Variants in NIBAN2 observed in about 807,000 individuals in gnomAD.
NIBAN2 encodes the protein niban apoptosis regulator 2.
A neutral mutation model predicts 81.8 loss-of-function variants in NIBAN2; 36 were observed. The observed-to-expected ratio is 0.44, with a 90% confidence interval of 0.34 to 0.58. The LOEUF is 0.58. Among genes scored for constraint, NIBAN2 ranks in the 20% least tolerant of loss-of-function variants. The pLI, the probability that NIBAN2 is intolerant of heterozygous loss-of-function variation, is 0.02. For synonymous variants in NIBAN2, 445 were observed against 441.6 expected (o/e 1.01, Z -0.10); for missense variants, 897 against 1,014.1 (o/e 0.88, Z 1.57).
rs768771956 is a variant in NIBAN2 at position 127,507,148 on chromosome 9, G to A, written c.1938C>T (p.Ser646=). Reference sequence around the variant, plus strand: ...CTCGGATCTCAGTGACACCGTCCGGGGACGCAGGTGGTGGTGACTCAGGGC... The same window carrying A: ...CTCGGATCTCAGTGACACCGTCCGGAGACGCAGGTGGTGGTGACTCAGGGC... The part of the protein sequence containing the change: ...EASPESPPPA[S]PDGVTEIRGL... The change falls in exon 14 of 14, where the codon TCC becomes TCT. Residue 646 remains serine, a synonymous_variant. Coordinates refer to ENST00000373312, the MANE Select transcript of NIBAN2 (RefSeq NM_022833.4). This position sits in a 1 kb window ranked among gnomAD's most constrained non-coding sequence, Gnocchi z 6.8. The A allele has an allele frequency of 1.2e-6, 2 of 1,607,158 alleles. No homozygotes were observed. The highest frequency in any genetic ancestry group is 1.7e-6 in the Non-Finnish European group (2 of 1,177,396).
chr9:127,526,375 G>A (rs1432348034), intron 3 of NIBAN2, among the ~76,000 whole-genome samples: 1 of 148,010 alleles, frequency 6.8e-6, no homozygotes, highest in Non-Finnish European at 1.5e-5. Context: ...ACTCCAGCCT[G>A]GCGACAGAGC....
intron 1 of NIBAN2, among the ~76,000 whole-genome samples, chr9:127,538,958 A>G (rs1391990753): frequency 4.7e-5 from 7 of 150,312 alleles, no homozygotes; most frequent in South Asian, 4.2e-4. Context: ...AAAAAAAAAA[A>G]AAAGAAAGAA....
At chr9:127,571,712 A>C (rs530116314), upstream of NIBAN2, among the ~76,000 whole-genome samples, 2 of 150,552 alleles carry the variant, frequency 1.3e-5, no homozygotes, top group Non-Finnish European at 1.5e-5. Flanking sequence ...ACAAAACCAA[A>C]GAAAAAAACA....
chr9:127,572,755 G>A (rs1837962857), upstream of NIBAN2, among the ~76,000 whole-genome samples: 4 of 151,870 alleles, frequency 2.6e-5, no homozygotes, highest in South Asian at 8.3e-4. Flanking sequence ...TTTTTTTAAT[G>A]ATATTCAGGC....
In NIBAN2 at chr9:127,515,540, C is replaced by A. The variant is rs1390398317; in HGVS notation, c.973+1317G>T. ...CGTCTCAAAAAAAAAAAAAAAAAAACAAACAAAAAAAACAGGCCAGGCACA... is the reference window on the plus strand; with the variant it reads ...CGTCTCAAAAAAAAAAAAAAAAAAAAAAACAAAAAAAACAGGCCAGGCACA... On this transcript the variant is annotated intron_variant, in intron 8 of 13. Transcript: ENST00000373312. Among the ~76,000 whole-genome samples, 231 of 42,736 alleles carry A rather than the reference C, an allele frequency of 5.4e-3. 8 individuals are homozygous for A. The highest frequency in any genetic ancestry group is 0.034 in the Middle Eastern group (2 of 58). The allele number at this position is 42,736 out of a possible 152,430, so 28.0% of individuals were successfully genotyped here. A position where few individuals can be genotyped will look rare whatever the true frequency, so the allele number is the denominator to read the frequency against.
chr9:127,558,467 G>A (rs1837714904), intron 1 of NIBAN2, among the ~76,000 whole-genome samples: 1 of 152,146 alleles, frequency 6.6e-6, no homozygotes, highest in Non-Finnish European at 1.5e-5. Context: ...GTTTACTGGG[G>A]CATGAGAAAA....
At chr9:127,564,102 G>T (rs540248295) in intron 1 of NIBAN2, among the ~76,000 whole-genome samples, 4 of 152,164 alleles carry the variant, frequency 2.6e-5, no homozygotes, top group African/African-American at 9.6e-5. Context: ...AGACCAACTT[G>T]ACCAATATGG....
chr9:127,542,786 G>A (rs544339628), intron 1 of NIBAN2, among the ~76,000 whole-genome samples: 153 of 152,330 alleles, frequency 1.0e-3, no homozygotes, highest in Middle Eastern at 3.4e-3. Flanking sequence ...GCAGTGGCAC[G>A]ATCTTGGCTC....
chr9:127,513,372 G>C (rs1285317528), intron 8 of NIBAN2, among the ~76,000 whole-genome samples: 1 of 152,170 alleles, frequency 6.6e-6, no homozygotes, highest in East Asian at 1.9e-4. Context: ...ATTTGAATCA[G>C]AGCAACTGTA....
rs1247841873 is a variant in NIBAN2 at position 127,507,792 on chromosome 9, C to T, written c.1654+75G>A. 7.3e-7 allele frequency: 1 copy of T among 1,367,642 alleles called. No individual in the cohort carries two copies. The highest frequency in any genetic ancestry group is 1.4e-5 in the African/African-American group (1 of 70,274). 84.7% of individuals were successfully genotyped at this position (1,367,642 alleles called of 1,614,324 possible). On this transcript the variant is annotated intron_variant, in intron 13 of 13. Coordinates refer to ENST00000373312, the MANE Select transcript of NIBAN2 (RefSeq NM_022833.4). This position sits in a 1 kb window ranked among gnomAD's most constrained non-coding sequence, Gnocchi z 6.8. Reference sequence around the variant, plus strand: ...TTTTCTTTGAGCCTTAGCTGACCCCCTCAGCTGCCACCACTTCTCAGCTGC... The same window carrying T: ...TTTTCTTTGAGCCTTAGCTGACCCCTTCAGCTGCCACCACTTCTCAGCTGC...
Position 127,506,729 on chromosome 9 carries a change from C to T in NIBAN2, c.*116G>A, listed in dbSNP as rs1836603174. On this transcript the variant is annotated 3_prime_UTR_variant, in exon 14 of 14. Transcript: ENST00000373312. ...CCCGCTCCCTGGCGGTGCCACACAG[C>T]CCTGCCCCGCCTCCACCCACAAGGC... 8.5e-6 allele frequency: 8 copies of T among 940,924 alleles called. No homozygotes were observed. The highest frequency in any genetic ancestry group is 2.7e-5 in the East Asian group (1 of 36,508). The allele number at this position is 940,924 out of a possible 1,614,324, so 58.3% of individuals were successfully genotyped here. A position where few individuals can be genotyped will look rare whatever the true frequency, so the allele number is the denominator to read the frequency against.
rs532184831 is a variant in NIBAN2, at chr9:127,561,489, C to T, written c.55+7331G>A. On this transcript the variant is annotated intron_variant, in intron 1 of 13. Coordinates refer to ENST00000373312, the MANE Select transcript of NIBAN2 (RefSeq NM_022833.4). The stretch of plus-strand genomic sequence containing the variant: ...ACCTTCATACCTTGAGATGCCAGAA[C>T]TCTCATCCTCATGTAAGGAGGGCTC... 2.6e-5 allele frequency among the ~76,000 whole-genome samples: 4 copies of T among 152,336 alleles called. No homozygotes were observed. In the South Asian group the frequency reaches 8.3e-4, roughly 32 times the overall value.
At chr9:127,578,887 G>C in intron 1 of NIBAN2, 1 of 1,601,362 alleles carries the variant, frequency 6.2e-7, no homozygotes, top group South Asian at 1.1e-5. Context: ...AACCCCGTGT[G>C]CCTTGTGTCC....
intron 8 of NIBAN2, among the ~76,000 whole-genome samples, chr9:127,515,678 A>T (rs1836816929): frequency 6.6e-6 from 1 of 151,804 alleles, no homozygotes; most frequent in African/African-American, 2.4e-5. Context: ...CTCTACTAAA[A>T]ATACAAAAAT....
At chr9:127,556,000 C>A (rs1837661979) in intron 1 of NIBAN2, among the ~76,000 whole-genome samples, 1 of 151,748 alleles carries the variant, frequency 6.6e-6, no homozygotes, top group African/African-American at 2.4e-5. Context: ...AGTGGGGCCA[C>A]CAGGACCAGG....
At chr9:127,548,095 C>T (rs771925688) in intron 1 of NIBAN2, among the ~76,000 whole-genome samples, 5 of 152,152 alleles carry the variant, frequency 3.3e-5, no homozygotes, top group African/African-American at 7.2e-5. Context: ...TTTCACGCCA[C>T]GCAATGGGAA....
intron 1 of NIBAN2, among the ~76,000 whole-genome samples, chr9:127,553,144 T>C (rs1837608761): frequency 6.6e-6 from 1 of 152,240 alleles, no homozygotes; most frequent in African/African-American, 2.4e-5. Flanking sequence ...TACTTATCTG[T>C]TATTTTCTAA....
At position 127,519,265 on chromosome 9, in the gene NIBAN2, G is replaced by A. The variant is rs539760837; in HGVS notation, c.590-1324C>T. 2.6e-5 allele frequency among the ~76,000 whole-genome samples: 4 copies of A among 151,804 alleles called. No individual in the cohort carries two copies. In the East Asian group the frequency reaches 7.8e-4, roughly 29 times the overall value. On this transcript the variant is annotated intron_variant, in intron 5 of 13. Coordinates refer to ENST00000373312, the MANE Select transcript of NIBAN2 (RefSeq NM_022833.4). Reference sequence around the variant, plus strand: ...CCATTTCTGAATTTTTGTCACTGTTGGTGCTGTCAGTGGCCCAAACGCCAG... The same window carrying A: ...CCATTTCTGAATTTTTGTCACTGTTAGTGCTGTCAGTGGCCCAAACGCCAG...
intron 1 of NIBAN2, among the ~76,000 whole-genome samples, chr9:127,566,343 G>A (rs1837858921): frequency 6.6e-6 from 1 of 152,080 alleles, no homozygotes; most frequent in South Asian, 2.1e-4. Flanking sequence ...GGATCCTCAG[G>A]CCTCCCAGAT....
Sources: gnomAD v4.1 joint callset for allele counts (sites outside exome capture counted in the v4.1 genomes callset) on GRCh38, gnomAD v4.1.1 for gene constraint, Gnocchi (gnomAD v3.1) non-coding constraint, MANE v1.5 for transcripts, NCBI Gene and HGNC (gene_info 2026-07-23, HGNC 2026-07-21) for gene names.